Variants in MEI1 observed in about 807,000 individuals in gnomAD.
MEI1 encodes the protein meiosis inhibitor protein 1.
A neutral mutation model predicts 146.2 loss-of-function variants in MEI1; 103 were observed. The ratio of observed to expected loss-of-function variants is 0.70; its 90% CI spans 0.60 to 0.83. The LOEUF is 0.83. Among genes scored for constraint, MEI1 ranks in the 40% least tolerant of loss-of-function variants. MEI1 has a pLI of 0.00. For missense variants in MEI1, 1,529 were observed against 1,533.0 expected (o/e 1.00, Z 0.04); for synonymous variants, 652 against 628.2 (o/e 1.04, Z -0.57).
intron 18 of MEI1, among the ~76,000 whole-genome samples, chr22:41,761,036 G>T (rs9611659): frequency 0.19 from 29,569 of 152,030 alleles, 7,771 homozygotes; most frequent in African/African-American, 0.6. Flanking sequence ...TCCCTCACGG[G>T]TGCGGTGGCT....
intron 11 of MEI1, among the ~76,000 whole-genome samples, chr22:41,735,799 C>G (rs952821788): frequency 5.3e-5 from 8 of 152,188 alleles, no homozygotes; most frequent in African/African-American, 1.9e-4. Flanking sequence ...CCTATGAACT[C>G]CAGCCTCTAG....
At chr22:41,753,421 A>G (rs762252769) in intron 16 of MEI1, among the ~76,000 whole-genome samples, 11 of 152,186 alleles carry the variant, frequency 7.2e-5, no homozygotes, top group Admixed American at 5.9e-4. Flanking sequence ...TCAAAGCAGC[A>G]GTGAGCTATG....
At chr22:41,762,719 CA>C (rs2074580701) in intron 18 of MEI1, among the ~76,000 whole-genome samples, 1 of 152,022 alleles carries the variant, frequency 6.6e-6, no homozygotes, top group South Asian at 2.1e-4. Flanking sequence ...CTTTTAAGCA[CA>C]AATGTTTTTA....
chr22:41,752,695 G>A, intron 16 of MEI1, 44 bp downstream of exon 16: 1 of 1,521,338 alleles, frequency 6.6e-7, no homozygotes, highest in African/African-American at 1.4e-5. Flanking sequence ...AGGGGCCAAT[G>A]TCCCTCTTGA....
At chr22:41,792,808 G>T (rs2076224622) in intron 26 of MEI1, among the ~76,000 whole-genome samples, 1 of 151,932 alleles carries the variant, frequency 6.6e-6, no homozygotes, top group Non-Finnish European at 1.5e-5. Context: ...GCTATTGGTA[G>T]ATGTACAGGG....
chr22:41,719,691 A>G (rs1037316037), intron 6 of MEI1, among the ~76,000 whole-genome samples: 3 of 152,172 alleles, frequency 2.0e-5, no homozygotes, highest in Non-Finnish European at 4.4e-5. Flanking sequence ...AAACCATGGC[A>G]CTAGGTTTCT....
rs6002457 is a variant in MEI1, at chr22:41,736,343, G to A, written c.1331+3740G>A. Among the ~76,000 whole-genome samples, 176 of 150,716 alleles carry A rather than the reference G, an allele frequency of 1.2e-3. 2 individuals carry two copies. The highest frequency in any genetic ancestry group is 4.2e-3 in the African/African-American group (173 of 41,062). ...CAGCTCACTGCAAGTTGTGCCTCCC[G>A]GGTTCACGCCATTCTCCCGCCTCAG... On this transcript the variant is annotated intron_variant, in intron 11 of 30. Coordinates refer to ENST00000401548, the MANE Select transcript of MEI1 (RefSeq NM_152513.4).
At chr22:41,728,285 A>C (rs759291757) in intron 7 of MEI1, among the ~76,000 whole-genome samples, 17 of 152,218 alleles carry the variant, frequency 1.1e-4, no homozygotes, top group Non-Finnish European at 2.4e-4. Flanking sequence ...CTGAAATCCA[A>C]GTTCCCAAAC....
At chr22:41,745,678 G>C (rs945926172) in intron 13 of MEI1, among the ~76,000 whole-genome samples, 2 of 152,140 alleles carry the variant, frequency 1.3e-5, no homozygotes, top group Non-Finnish European at 2.9e-5. Flanking sequence ...ATAGTTGGGG[G>C]AGGGGGTAGG....
Position 41,781,388 on chromosome 22 carries a change from A to C in MEI1, c.2920A>C (p.Lys974Gln). Residue 974 changes from lysine to glutamine, a missense_variant, in exon 23 of 31, where the codon AAA becomes CAA. Around this residue, in one of 3 missense-constraint regions of MEI1, gnomAD observed 1,212 missense variants for 1,178.9 expected, o/e 1.03. Transcript: ENST00000401548. ...SLHQTTPSSQ[K>Q]RAAAVLLSST... ...TCATCAGACCACACCCAGCAGTCAG[A>C]AAAGAGGTGCAGGGGCCCGGGCTGG... is the stretch of plus-strand genomic sequence containing the variant. 6.2e-7 allele frequency: 1 copy of C among 1,611,970 alleles called. No individual in the cohort carries two copies.
At chr22:41,738,329 C>G (rs902835517) in intron 11 of MEI1, among the ~76,000 whole-genome samples, 4 of 152,182 alleles carry the variant, frequency 2.6e-5, no homozygotes, top group African/African-American at 9.7e-5. Flanking sequence ...TGGCTCATGC[C>G]TGTAATCCCA....
intron 17 of MEI1, among the ~76,000 whole-genome samples, chr22:41,755,067 C>T (rs547332365): frequency 6.6e-6 from 1 of 152,194 alleles, no homozygotes; most frequent in South Asian, 2.1e-4. Context: ...GGAAGTTTTT[C>T]CTCTTGTTGA....
At chr22:41,730,474 G>C (rs755128389) in intron 8 of MEI1, 47 bp from the exon 9 acceptor site, 1 of 1,324,120 alleles carries the variant, frequency 7.6e-7, no homozygotes, top group Non-Finnish European at 1.1e-6. Flanking sequence ...AAGGGATCGT[G>C]ATCACATGGC....
intron 19 of MEI1, among the ~76,000 whole-genome samples, chr22:41,765,271 C>T (rs1569282026): frequency 6.6e-6 from 1 of 152,194 alleles, no homozygotes. Context: ...CCACCTCAGC[C>T]TTTCAAAGTG....
chr22:41,719,586 A>G (rs966684294), intron 6 of MEI1, among the ~76,000 whole-genome samples: 2 of 152,102 alleles, frequency 1.3e-5, no homozygotes, highest in African/African-American at 4.8e-5. Flanking sequence ...CCAAACCCCA[A>G]ACTCATGACC....
At chr22:41,728,167 A>G (rs527851163) in intron 7 of MEI1, among the ~76,000 whole-genome samples, 3 of 152,304 alleles carry the variant, frequency 2.0e-5, no homozygotes, top group South Asian at 2.1e-4. Context: ...AAGGCCACAT[A>G]TAAGTAGAAC....
rs1301004255 is a variant in MEI1 at position 41,798,741 on chromosome 22, G to GC, written c.3780-511dup. On this transcript the variant is annotated intron_variant, in intron 30 of 30. Transcript: ENST00000401548. The stretch of plus-strand genomic sequence containing the variant: ...AAATTAGCCGGGCATGGTGGTGCAT[G>GC]CCTGTAATCCAAGCTACTTGGGAGG... Among the ~76,000 whole-genome samples the GC allele has an allele frequency of 3.3e-5, 5 of 152,014 alleles. No individual in the cohort carries two copies. The East Asian group carries it at 9.6e-4, about 29-fold the overall frequency.
chr22:41,733,175 C>A (rs2072021593), intron 11 of MEI1, among the ~76,000 whole-genome samples: 1 of 151,980 alleles, frequency 6.6e-6, no homozygotes, highest in Non-Finnish European at 1.5e-5. Context: ...ATACGTTGGA[C>A]ATGGTGGCTC....
intron 8 of MEI1, among the ~76,000 whole-genome samples, chr22:41,730,059 T>G (rs937451202): frequency 2.0e-5 from 3 of 152,334 alleles, no homozygotes; most frequent in Non-Finnish European, 4.4e-5. Flanking sequence ...GGGACTGTTA[T>G]GAGATGCATT....
Sources: gnomAD v4.1 joint callset for allele counts (sites outside exome capture counted in the v4.1 genomes callset) on GRCh38, gnomAD v4.1.1 for gene constraint, gnomAD v4.1.1 regional missense constraint, MANE v1.5 for transcripts, NCBI Gene and HGNC (gene_info 2026-07-23, HGNC 2026-07-21) for gene names.